Variants in TSPAN18 observed in about 807,000 individuals in gnomAD.
TSPAN18 encodes the protein tetraspanin 18.
In TSPAN18, 14 loss-of-function variants were observed where a neutral mutation model predicts 27.3. The observed-to-expected ratio is 0.51, with a 90% CI of 0.34 to 0.80. The LOEUF (loss-of-function observed/expected upper bound fraction) is 0.80, where lower values mean the gene tolerates loss of function less well. Among genes scored for constraint, TSPAN18 ranks in the 30% least tolerant of loss-of-function variants. The pLI, the probability that TSPAN18 is intolerant of heterozygous loss-of-function variation, is 0.01. For missense variants in TSPAN18, 268 were observed against 323.9 expected (o/e 0.83, Z 1.32); for synonymous variants, 143 against 136.5 (o/e 1.05, Z -0.33).
At chr11:44,913,840 G>C (rs1166087127) in intron 5 of TSPAN18, among the ~76,000 whole-genome samples, 4 of 152,254 alleles carry the variant, frequency 2.6e-5, no homozygotes, top group South Asian at 2.1e-4. Context: ...TGCAAACCCT[G>C]GGAAAGGCCT....
chr11:44,820,511 C>T (rs893523633), intron 2 of TSPAN18, among the ~76,000 whole-genome samples: 1 of 152,204 alleles, frequency 6.6e-6, no homozygotes, highest in African/African-American at 2.4e-5. Context: ...GAGAGCTAGA[C>T]TGTTTGTGAT....
intron 2 of TSPAN18, among the ~76,000 whole-genome samples, chr11:44,814,636 G>C (rs975318532): frequency 1.3e-5 from 2 of 150,858 alleles, no homozygotes; most frequent in Non-Finnish European, 3.0e-5. Flanking sequence ...GGGTCCCAGA[G>C]GGAGTTGGTG....
Position 44,919,312 on chromosome 11 carries a change from A to G in TSPAN18, c.432A>G (p.Thr144=). ...FSATWNSVMI[T]FGCCGVNGPE... ...CCACCTGGAACTCGGTCATGATCAC[A>G]GTGAGTGACGCCCCAGAGATGCTAT... Residue 144 remains threonine (T), a splice_region_variant and synonymous_variant, in exon 7 of 10, where the codon ACA becomes ACG. Transcript: ENST00000520358. 6.2e-7 allele frequency: 1 copy of G among 1,612,824 alleles called. No homozygotes were observed. The highest frequency in any genetic ancestry group is 8.5e-7 in the Non-Finnish European group (1 of 1,178,904).
At chr11:44,776,431 G>A (rs896553228) in intron 2 of TSPAN18, among the ~76,000 whole-genome samples, 7 of 152,110 alleles carry the variant, frequency 4.6e-5, no homozygotes, top group African/African-American at 1.7e-4. Context: ...TGTGAATTGG[G>A]CACGATAACC....
chr11:44,739,498 C>A (rs542032480), intron 1 of TSPAN18, among the ~76,000 whole-genome samples: 2 of 152,114 alleles, frequency 1.3e-5, no homozygotes, highest in African/African-American at 4.8e-5. Context: ...GTGGCGGGTG[C>A]CTGTAATCCC....
chr11:44,736,327 T>C (rs1854793241), intron 1 of TSPAN18: 1 of 152,234 alleles, frequency 6.6e-6, no homozygotes, highest in South Asian at 2.1e-4. Flanking sequence ...TTACAACCAG[T>C]TGGAGCTACA....
At chr11:44,906,369 C>G (rs1859452526) in intron 3 of TSPAN18, 38 bp from the exon 4 acceptor site, 1 of 1,600,780 alleles carries the variant, frequency 6.2e-7, no homozygotes, top group African/African-American at 1.3e-5. Flanking sequence ...TGGGTGGGGT[C>G]CCCCATCGGG....
chr11:44,835,982 G>A (rs1199222904), intron 2 of TSPAN18, among the ~76,000 whole-genome samples: 7 of 152,016 alleles, frequency 4.6e-5, no homozygotes, highest in Non-Finnish European at 1.0e-4. Context: ...TGAACCCACC[G>A]GCCATTCCCC....
At chr11:44,864,984 G>A (rs934079260) in intron 3 of TSPAN18, among the ~76,000 whole-genome samples, 1 of 152,330 alleles carries the variant, frequency 6.6e-6, no homozygotes, top group African/African-American at 2.4e-5. Flanking sequence ...ATGGGTGGAA[G>A]GATCACAGTG....
intron 2 of TSPAN18, among the ~76,000 whole-genome samples, chr11:44,773,648 C>T (rs1744707544): frequency 6.6e-6 from 1 of 152,182 alleles, no homozygotes; most frequent in Admixed American, 6.5e-5. Flanking sequence ...CCGCTCTTGG[C>T]ATGCCCATAG....
intron 3 of TSPAN18, among the ~76,000 whole-genome samples, chr11:44,892,931 A>G (rs566735116): frequency 6.6e-6 from 1 of 152,340 alleles, no homozygotes; most frequent in East Asian, 1.9e-4. Context: ...ACCTACGTGC[A>G]GGTGTAATAA....
At chr11:44,778,007 G>C (rs1186357987) in intron 2 of TSPAN18, among the ~76,000 whole-genome samples, 5 of 152,104 alleles carry the variant, frequency 3.3e-5, no homozygotes, top group African/African-American at 1.2e-4. Flanking sequence ...CTAGGGGGTA[G>C]AGCACAGGAG....
At chr11:44,908,758 G>GAA in intron 4 of TSPAN18, among the ~76,000 whole-genome samples, 1 of 61,944 alleles carries the variant, frequency 1.6e-5, no homozygotes, top group African/African-American at 8.1e-5. Flanking sequence ...GAGAGAGAGA[G>GAA]AGAGAGAAAG....
chr11:44,905,491 C>T (rs1346878780), intron 3 of TSPAN18, among the ~76,000 whole-genome samples: 1 of 152,202 alleles, frequency 6.6e-6, no homozygotes, highest in East Asian at 1.9e-4. Flanking sequence ...GATCTCTAAT[C>T]CCTGCCCTGA....
chr11:44,733,734 A>G (rs1386598008), intron 1 of TSPAN18, among the ~76,000 whole-genome samples: 12 of 152,214 alleles, frequency 7.9e-5, no homozygotes, highest in African/African-American at 2.9e-4. Flanking sequence ...TGGGACCCAC[A>G]TTTGGGCCGC....
chr11:44,766,970 C>T (rs1855582134), intron 2 of TSPAN18, among the ~76,000 whole-genome samples: 1 of 152,180 alleles, frequency 6.6e-6, no homozygotes, highest in Admixed American at 6.5e-5. Flanking sequence ...CATGGGAAGC[C>T]CCTGTTTGCT....
At chr11:44,873,187 A>C (rs921667338) in intron 3 of TSPAN18, among the ~76,000 whole-genome samples, 1 of 152,234 alleles carries the variant, frequency 6.6e-6, no homozygotes, top group Non-Finnish European at 1.5e-5. Context: ...TTGGCAGCAC[A>C]GGGGCCCTGC....
chr11:44,822,663 G>A (rs1019402256), intron 2 of TSPAN18, among the ~76,000 whole-genome samples: 3 of 152,082 alleles, frequency 2.0e-5, no homozygotes, highest in Non-Finnish European at 2.9e-5. Context: ...GAGCATCCCA[G>A]TGTTTGGAGG....
At chr11:44,840,691 C>T (rs1370236805) in intron 2 of TSPAN18, among the ~76,000 whole-genome samples, 1 of 152,176 alleles carries the variant, frequency 6.6e-6, no homozygotes, top group Non-Finnish European at 1.5e-5. Context: ...AAACACACCA[C>T]GTTCATTATC....
Sources: gnomAD v4.1 joint callset for allele counts (sites outside exome capture counted in the v4.1 genomes callset) on GRCh38, gnomAD v4.1.1 for gene constraint, MANE v1.5 for transcripts, NCBI Gene and HGNC (gene_info 2026-07-23, HGNC 2026-07-21) for gene names.